Variants in CAMKMT observed in about 807,000 individuals in gnomAD.
CAMKMT encodes the protein calmodulin-lysine N-methyltransferase.
Under a neutral mutation model 48.0 loss-of-function variants are expected in CAMKMT, and 53 were observed. The ratio of observed to expected loss-of-function variants is 1.10; its 90% CI spans 0.89 to 1.39. The LOEUF is 1.39. Among genes scored for constraint, CAMKMT ranks in the 40% most tolerant of loss-of-function variants. The pLI, the probability that CAMKMT is intolerant of heterozygous loss-of-function variation, is 0.00. For synonymous variants in CAMKMT, 165 were observed against 152.3 expected, an observed-to-expected ratio of 1.08 and a Z score of -0.61; for missense variants, 428 against 402.7, an observed-to-expected ratio of 1.06 and a Z score of -0.54.
chr2:44,645,138 A>G (rs1673662019), intron 3 of CAMKMT, among the ~76,000 whole-genome samples: 1 of 152,232 alleles, frequency 6.6e-6, no homozygotes, highest in Non-Finnish European at 1.5e-5. Flanking sequence ...GGGAGAAACT[A>G]GAAGGCTGGG....
At chr2:44,414,744 C>T (rs1558593529) in intron 3 of CAMKMT, among the ~76,000 whole-genome samples, 1 of 152,212 alleles carries the variant, frequency 6.6e-6, no homozygotes, top group African/African-American at 2.4e-5. Context: ...GGCCACCAAA[C>T]TCCTCGTGAT....
intron 3 of CAMKMT, among the ~76,000 whole-genome samples, chr2:44,514,720 A>G (rs932244937): frequency 2.6e-5 from 4 of 152,232 alleles, no homozygotes; most frequent in African/African-American, 7.2e-5. Flanking sequence ...TAGAGTAAGT[A>G]AGTTTGAATG....
chr2:44,535,301 A>T (rs2104837691), intron 3 of CAMKMT, among the ~76,000 whole-genome samples: 1 of 152,270 alleles, frequency 6.6e-6, no homozygotes, highest in African/African-American at 2.4e-5. Context: ...TCACTGCCTA[A>T]TTCTACCAAA....
At chr2:44,735,897 C>CAAACA (rs57656418) in intron 7 of CAMKMT, among the ~76,000 whole-genome samples, 3,967 of 149,792 alleles carry the variant, frequency 0.026, 95 homozygotes, top group East Asian at 0.11. Flanking sequence ...TGCTCTGTCT[C>CAAACA]AAACAAAACA....
chr2:44,416,022 A>G (rs1683526359), intron 3 of CAMKMT, among the ~76,000 whole-genome samples: 1 of 152,212 alleles, frequency 6.6e-6, no homozygotes, highest in Non-Finnish European at 1.5e-5. Flanking sequence ...ACATTATTCA[A>G]AATCCTTTTA....
intron 3 of CAMKMT, among the ~76,000 whole-genome samples, chr2:44,407,828 C>G (rs993156120): frequency 1.9e-4 from 29 of 152,024 alleles, no homozygotes; most frequent in African/African-American, 6.8e-4. Context: ...TTCTATACCT[C>G]AAGATGTCAT....
At chr2:44,637,060 A>G (rs976966705) in intron 3 of CAMKMT, among the ~76,000 whole-genome samples, 3 of 152,232 alleles carry the variant, frequency 2.0e-5, no homozygotes, top group Non-Finnish European at 4.4e-5. Flanking sequence ...CTGATTTGAC[A>G]TACTGCTGTT....
chr2:44,676,927 AT>A lies in CAMKMT; in HGVS notation c.377-27348del, dbSNP rs1013103240. On this transcript the variant is annotated intron_variant, in intron 3 of 10. Coordinates refer to ENST00000378494, the MANE Select transcript of CAMKMT (RefSeq NM_024766.5). ...TCACTAGCCTTCTTCCCTCATAAGGATTTTTTTTCTCTCTCTCAGAATTCTC... is the reference window on the plus strand; with the variant it reads ...TCACTAGCCTTCTTCCCTCATAAGGATTTTTTTCTCTCTCTCAGAATTCTC... 1.6e-4 allele frequency among the ~76,000 whole-genome samples: 25 copies of A among 152,098 alleles called. No homozygotes were observed. In the East Asian group the frequency reaches 4.8e-3, roughly 29 times the overall value.
intron 7 of CAMKMT, among the ~76,000 whole-genome samples, chr2:44,738,138 G>A (rs1205752244): frequency 6.6e-6 from 1 of 152,112 alleles, no homozygotes; most frequent in African/African-American, 2.4e-5. Context: ...ACAGGCATGA[G>A]CCACCATGCC....
At chr2:44,498,890 A>G (rs1334130611) in intron 3 of CAMKMT, among the ~76,000 whole-genome samples, 1 of 152,126 alleles carries the variant, frequency 6.6e-6, no homozygotes, top group Non-Finnish European at 1.5e-5. Flanking sequence ...GAGCACTTTC[A>G]AGTCTTGAAT....
intron 3 of CAMKMT, among the ~76,000 whole-genome samples, chr2:44,576,365 C>CACAG (rs1669222423): frequency 2.1e-5 from 3 of 143,278 alleles, no homozygotes; most frequent in African/African-American, 7.8e-5. Flanking sequence ...AAAGAAAGAA[C>CACAG]ACAGGTGGGA....
chr2:44,573,096 TGCTGTTTG>T (rs1336170490), intron 3 of CAMKMT, among the ~76,000 whole-genome samples: 1 of 152,182 alleles, frequency 6.6e-6, no homozygotes, highest in East Asian at 1.9e-4. Context: ...TCTTTTCATG[TGCTGTTTG>T]GCCGTCTATA....
chr2:44,592,532 TTAA>T (rs1670359132), intron 3 of CAMKMT, among the ~76,000 whole-genome samples: 1 of 152,228 alleles, frequency 6.6e-6, no homozygotes, highest in Non-Finnish European at 1.5e-5. Flanking sequence ...CTTATTTTAC[TTAA>T]TAATGGCCCC....
At chr2:44,456,683 A>C in intron 3 of CAMKMT, 1 of 1,410,314 alleles carries the variant, frequency 7.1e-7, no homozygotes, top group Non-Finnish European at 9.7e-7. Flanking sequence ...GTTTTGGCCA[A>C]GGCATCCTAC....
intron 7 of CAMKMT, among the ~76,000 whole-genome samples, chr2:44,721,804 C>A (rs1157651876): frequency 7.2e-6 from 1 of 138,358 alleles, no homozygotes; most frequent in Non-Finnish European, 1.5e-5. Flanking sequence ...GCCTGGGCAA[C>A]ATAGTGAAAC....
At chr2:44,580,343 C>T (rs1043530582) in intron 3 of CAMKMT, among the ~76,000 whole-genome samples, 1 of 151,902 alleles carries the variant, frequency 6.6e-6, no homozygotes, top group Admixed American at 6.6e-5. Context: ...CTTATGACTG[C>T]ACTAATGCTT....
At chr2:44,540,181 T>C (rs1324757212) in intron 3 of CAMKMT, among the ~76,000 whole-genome samples, 2 of 151,996 alleles carry the variant, frequency 1.3e-5, no homozygotes, top group African/African-American at 2.4e-5. Flanking sequence ...TGTACATATG[T>C]TTTAGTATGG....
At chr2:44,438,690 T>G (rs1666439805) in intron 3 of CAMKMT, among the ~76,000 whole-genome samples, 1 of 152,082 alleles carries the variant, frequency 6.6e-6, no homozygotes, top group African/African-American at 2.4e-5. Flanking sequence ...GGTGTGTGTT[T>G]TTTGTTTGTT....
At chr2:44,649,096 T>C (rs1443897320) in intron 3 of CAMKMT, among the ~76,000 whole-genome samples, 1 of 152,132 alleles carries the variant, frequency 6.6e-6, no homozygotes, top group Non-Finnish European at 1.5e-5. Flanking sequence ...CACTAAATCA[T>C]GATATAAGTG....
Sources: gnomAD v4.1 joint callset for allele counts (sites outside exome capture counted in the v4.1 genomes callset) on GRCh38, gnomAD v4.1.1 for gene constraint, MANE v1.5 for transcripts, NCBI Gene and HGNC (gene_info 2026-07-23, HGNC 2026-07-21) for gene names.